Variants in SUGCT observed in about 807,000 individuals in gnomAD.
SUGCT encodes the protein succinyl-CoA:glutarate CoA-transferase.
SUGCT carries 41 observed loss-of-function variants against 55.0 expected under a neutral mutation model. The observed-to-expected ratio is 0.74, with a 90% CI of 0.58 to 0.97. The LOEUF (loss-of-function observed/expected upper bound fraction) is 0.97. Ranked by LOEUF, SUGCT falls within the 50% of genes least tolerant of loss-of-function variation. SUGCT has a pLI of 0.00. For synonymous variants in SUGCT, 187 were observed against 200.4 expected (o/e 0.93, Z 0.56); for missense variants, 568 against 547.8 (o/e 1.04, Z -0.37).
intron 9 of SUGCT, among the ~76,000 whole-genome samples, chr7:40,335,911 A>T (rs180690087): frequency 6.6e-6 from 1 of 152,304 alleles, no homozygotes; most frequent in East Asian, 1.9e-4. Flanking sequence ...TATTATTTTG[A>T]GATACATCCC....
chr7:40,293,598 C>T (rs962911572), intron 8 of SUGCT, among the ~76,000 whole-genome samples: 1 of 152,220 alleles, frequency 6.6e-6, no homozygotes. Context: ...GAGATCCACT[C>T]AGTCTGGGGC....
At chr7:40,685,738 C>T (rs1784436094) in intron 12 of SUGCT, among the ~76,000 whole-genome samples, 1 of 151,872 alleles carries the variant, frequency 6.6e-6, no homozygotes, top group Non-Finnish European at 1.5e-5. Context: ...TTCTTTGACT[C>T]ATTTACACAT....
intron 9 of SUGCT, among the ~76,000 whole-genome samples, chr7:40,415,677 C>A (rs1209349500): frequency 2.0e-5 from 3 of 151,934 alleles, no homozygotes; most frequent in African/African-American, 7.2e-5. Flanking sequence ...TCATATGAAA[C>A]ATGATGTGAA....
At chr7:40,500,875 A>G (rs1792244679) in intron 12 of SUGCT, among the ~76,000 whole-genome samples, 1 of 149,436 alleles carries the variant, frequency 6.7e-6, no homozygotes. Context: ...ACAGACACGC[A>G]CACACACAAA....
chr7:40,323,933 C>T (rs113031121), intron 9 of SUGCT, among the ~76,000 whole-genome samples: 6 of 152,018 alleles, frequency 3.9e-5, no homozygotes, highest in African/African-American at 9.7e-5. Context: ...ATTTTCTCCC[C>T]CTCTGAGATG....
In SUGCT at chr7:40,781,480, TAC is replaced by T. The variant is rs985253488; in HGVS notation, c.1153+31996_1153+31997del. Among the ~76,000 whole-genome samples, 201 of 151,560 alleles carry T rather than the reference TAC, an allele frequency of 1.3e-3. 3 individuals carry two copies. The highest frequency in any genetic ancestry group is 1.2e-4 in the Non-Finnish European group (8 of 67,778). On this transcript the variant is annotated intron_variant, in intron 13 of 13. Coordinates refer to ENST00000335693, the MANE Select transcript of SUGCT (RefSeq NM_001193313.2). Reference sequence around the variant, plus strand: ...AGTGCAGGGAAGATACACACACACATACACACACACACACTTGTAACCACACA... The same window carrying T: ...AGTGCAGGGAAGATACACACACACATACACACACACACTTGTAACCACACA...
the SUGCT span, among the ~76,000 whole-genome samples, chr7:40,890,187 A>G: frequency 6.8e-6 from 1 of 146,052 alleles, no homozygotes; most frequent in Non-Finnish European, 1.5e-5. Flanking sequence ...AATTTATATT[A>G]TTTATTATAT....
At chr7:40,763,642 A>G (rs1788643525) in intron 13 of SUGCT, among the ~76,000 whole-genome samples, 1 of 152,150 alleles carries the variant, frequency 6.6e-6, no homozygotes, top group Admixed American at 6.6e-5. Context: ...TGCACAGAGA[A>G]TGAGATTGGC....
chr7:40,218,375 G>C (rs1013918576), intron 6 of SUGCT, among the ~76,000 whole-genome samples: 1 of 152,110 alleles, frequency 6.6e-6, no homozygotes, highest in Admixed American at 6.6e-5. Context: ...CAAATGAAGT[G>C]GGGGGAAAAG....
At chr7:40,432,035 G>GT (rs1787920645) in intron 9 of SUGCT, among the ~76,000 whole-genome samples, 1 of 152,076 alleles carries the variant, frequency 6.6e-6, no homozygotes, top group Non-Finnish European at 1.5e-5. Context: ...TTGTCTGACT[G>GT]TTTTTTCTAG....
At position 40,449,373 on chromosome 7, in the gene SUGCT, T is replaced by C. The variant is rs746309292; in HGVS notation, c.888+15T>C. 9 of 1,593,946 alleles carry C rather than the reference T, an allele frequency of 5.6e-6. No homozygotes were observed. Among genetic ancestry groups the C allele is most frequent in the Non-Finnish European group, 7.7e-6 (9 of 1,164,186 alleles). Reference sequence around the variant, plus strand: ...CCGTCTGCAAGGTAATCTATAATTATTGGGATTGGTCGATGATTTTGTACA... The same window carrying C: ...CCGTCTGCAAGGTAATCTATAATTACTGGGATTGGTCGATGATTTTGTACA... On this transcript the variant is annotated intron_variant, in intron 10 of 13. Transcript: ENST00000335693.
intron 7 of SUGCT, among the ~76,000 whole-genome samples, chr7:40,245,015 T>G (rs115082018): frequency 0.017 from 2,582 of 152,204 alleles, 59 homozygotes; most frequent in African/African-American, 0.06. Flanking sequence ...CCAGAGATAT[T>G]CTATTCAAAA....
At chr7:40,873,726 G>T in the SUGCT span, among the ~76,000 whole-genome samples, 16 of 152,310 alleles carry the variant, frequency 1.1e-4, no homozygotes, top group African/African-American at 3.8e-4. Context: ...CATTGTTGAA[G>T]ATTTTGTGTT....
Position 40,570,850 on chromosome 7 carries a change from C to CTTTTTTTTTTT in SUGCT, c.1089+74481_1089+74491dup, listed in dbSNP as rs776733346. On this transcript the variant is annotated intron_variant, in intron 12 of 13. Transcript: ENST00000335693. The stretch of plus-strand genomic sequence containing the variant: ...CCCCTCTGGGCAAAAGCTTTAGGCT[C>CTTTTTTTTTTT]TTTTTTTTTTTTTTTTTTTTTTTTT... Among the ~76,000 whole-genome samples the CTTTTTTTTTTT allele has an allele frequency of 4.6e-4, 24 of 52,304 alleles. 2 individuals carry two copies. The highest frequency in any genetic ancestry group is 1.7e-3 in the African/African-American group (20 of 11,528). The allele number at this position is 52,304 out of a possible 152,430, so 34.3% of individuals were successfully genotyped here. A position where few individuals can be genotyped will look rare whatever the true frequency, so the allele number is the denominator to read the frequency against.
At chr7:40,840,207 C>T (rs1317330852) in intron 13 of SUGCT, among the ~76,000 whole-genome samples, 1 of 152,090 alleles carries the variant, frequency 6.6e-6, no homozygotes, top group East Asian at 1.9e-4. Flanking sequence ...ACTTTGTGAA[C>T]TCCATGGGAG....
At chr7:40,846,615 T>C (rs1174130827) in intron 13 of SUGCT, among the ~76,000 whole-genome samples, 1 of 152,160 alleles carries the variant, frequency 6.6e-6, no homozygotes, top group Non-Finnish European at 1.5e-5. Flanking sequence ...CTTTTTCAAA[T>C]GAAAGATAAA....
chr7:40,324,000 CTT>C (rs1795880330), intron 9 of SUGCT, among the ~76,000 whole-genome samples: 1 of 151,936 alleles, frequency 6.6e-6, no homozygotes. Flanking sequence ...TCCTTAAAGA[CTT>C]TGTCTCTTAT....
In SUGCT at chr7:40,409,269, A is replaced by G. The variant is rs1056637881; in HGVS notation, c.817-40018A>G. On this transcript the variant is annotated intron_variant, in intron 9 of 13. Transcript: ENST00000335693. The stretch of plus-strand genomic sequence containing the variant: ...TCATGCTGAGCTGTCTCTCTTTTTT[A>G]TTTTTATTTTTTGAGACAGGGTCTT... Among the ~76,000 whole-genome samples, 4 of 107,012 alleles carry G rather than the reference A, an allele frequency of 3.7e-5. No individual in the cohort carries two copies. The Admixed American group carries it at 4.4e-4, about 12-fold the overall frequency. 70.2% of individuals were successfully genotyped at this position (107,012 alleles called of 152,430 possible). A position where few individuals can be genotyped will look rare whatever the true frequency, so the allele number is the denominator to read the frequency against.
chr7:40,613,529 T>C (rs1395631411), intron 12 of SUGCT, among the ~76,000 whole-genome samples: 1 of 152,218 alleles, frequency 6.6e-6, no homozygotes, highest in Non-Finnish European at 1.5e-5. Flanking sequence ...TCTTTTATTC[T>C]GGAAAGATGA....
Sources: gnomAD v4.1 joint callset for allele counts (sites outside exome capture counted in the v4.1 genomes callset) on GRCh38, gnomAD v4.1.1 for gene constraint, MANE v1.5 for transcripts, NCBI Gene and HGNC (gene_info 2026-07-23, HGNC 2026-07-21) for gene names.